MILR1: variants seen among roughly 807,000 people sequenced by gnomAD.
MILR1 encodes mast cell immunoglobulin like receptor 1.
Under a neutral mutation model 18.5 loss-of-function variants are expected in MILR1, and 31 were observed. The ratio of observed to expected loss-of-function variants is 1.68; its 90% CI spans 1.26 to 2.26. MILR1 has a LOEUF of 2.26. Ranked by LOEUF, MILR1 falls within the 30% of genes most tolerant of loss-of-function variation. MILR1 has a pLI of 0.00. For synonymous variants in MILR1, 85 were observed against 56.2 expected (o/e 1.51, Z -2.30); for missense variants, 257 against 157.4 (o/e 1.63, Z -3.38).
At chr17:64,486,562 C>A in the MILR1 span, among the ~76,000 whole-genome samples, 2 of 152,054 alleles carry the variant, frequency 1.3e-5, no homozygotes, top group African/African-American at 4.8e-5. Flanking sequence ...CGGGGTTTCA[C>A]CATGTTGGCC....
At chr17:64,455,723 G>A (rs1016040222) in intron 3 of MILR1, among the ~76,000 whole-genome samples, 1 of 149,028 alleles carries the variant, frequency 6.7e-6, no homozygotes, top group South Asian at 2.2e-4. Flanking sequence ...GCCTCCCAAA[G>A]TGCTCACTCA....
intron 4 of MILR1, among the ~76,000 whole-genome samples, chr17:64,458,035 T>C (rs1028434682): frequency 4.6e-5 from 7 of 152,136 alleles, no homozygotes; most frequent in Non-Finnish European, 8.8e-5. Context: ...GCCTTTCCAA[T>C]TTGCATCTGT....
chr17:64,472,582 A>G (rs1598111623), downstream of MILR1, among the ~76,000 whole-genome samples: 1 of 151,128 alleles, frequency 6.6e-6, no homozygotes, highest in African/African-American at 2.4e-5. Context: ...GGGTCCCAAA[A>G]AACTATAATA....
chr17:64,449,787 AAT>A (rs2037124780), intron 2 of MILR1, among the ~76,000 whole-genome samples: 1 of 152,138 alleles, frequency 6.6e-6, no homozygotes, highest in African/African-American at 2.4e-5. Context: ...AATAAAACAA[AAT>A]AAAAAAACCC....
chr17:64,450,775 CCAG>C (rs1461059969), intron 2 of MILR1, among the ~76,000 whole-genome samples: 10 of 152,196 alleles, frequency 6.6e-5, no homozygotes, highest in African/African-American at 2.4e-4. Flanking sequence ...AGCTACCACA[CCAG>C]CCTTAGCTCC....
chr17:64,458,194 T>TCCTTCCTTCCTTCCTTCTTTCC (rs2037345448), intron 4 of MILR1, among the ~76,000 whole-genome samples: 9 of 145,710 alleles, frequency 6.2e-5, no homozygotes, highest in Admixed American at 1.4e-4. Flanking sequence ...TCCTTCCTTC[T>TCCTTCCTTCCTTCCTTCTTTCC]TTCCTTCCTT....
chr17:64,494,090 C>T, the MILR1 span, among the ~76,000 whole-genome samples: 1 of 152,162 alleles, frequency 6.6e-6, no homozygotes, highest in Non-Finnish European at 1.5e-5. Flanking sequence ...TCATGTACTG[C>T]ATTCTGAGTA....
At chr17:64,481,647 C>T in the MILR1 span, among the ~76,000 whole-genome samples, 81 of 151,986 alleles carry the variant, frequency 5.3e-4, no homozygotes, top group Middle Eastern at 3.4e-3. Flanking sequence ...CCGAGGTGGG[C>T]GGATCACTTG....
chr17:64,455,547 G>A (rs1043163487), intron 3 of MILR1, among the ~76,000 whole-genome samples: 27 of 151,924 alleles, frequency 1.8e-4, no homozygotes, highest in Non-Finnish European at 3.1e-4. Context: ...TCTGCCTCCC[G>A]GGTTCACACA....
chr17:64,456,981 A>G (rs2037314068), intron 3 of MILR1, among the ~76,000 whole-genome samples: 2 of 152,316 alleles, frequency 1.3e-5, no homozygotes, highest in South Asian at 4.1e-4. Flanking sequence ...GTTCAAGACC[A>G]ACCTGGCCAA....
At chr17:64,475,857 A>C in the MILR1 span, among the ~76,000 whole-genome samples, 6 of 121,708 alleles carry the variant, frequency 4.9e-5, no homozygotes, top group Non-Finnish European at 8.0e-5. Flanking sequence ...TGTGTCACCC[A>C]GGCTGGAGTA....
the MILR1 span, chr17:64,496,311 G>T: frequency 1.3e-6 from 1 of 757,276 alleles, no homozygotes; most frequent in Non-Finnish European, 2.3e-6. Flanking sequence ...TTCCTTGCAT[G>T]GGAATACAGG....
At chr17:64,483,620 C>T in the MILR1 span, among the ~76,000 whole-genome samples, 1 of 151,996 alleles carries the variant, frequency 6.6e-6, no homozygotes, top group African/African-American at 2.4e-5. Context: ...GCCTGGGCCA[C>T]GTGGCTTACC....
chr17:64,462,325 G>A (rs955118392), intron 5 of MILR1, among the ~76,000 whole-genome samples: 4 of 152,102 alleles, frequency 2.6e-5, no homozygotes, highest in South Asian at 2.1e-4. Flanking sequence ...CCACTGTGCC[G>A]GGCCAAGAAC....
At chr17:64,455,250 GTAA>G (rs2037265037) in intron 3 of MILR1, among the ~76,000 whole-genome samples, 3 of 152,054 alleles carry the variant, frequency 2.0e-5, no homozygotes, top group African/African-American at 4.8e-5. Flanking sequence ...ACACAGTCTG[GTAA>G]TAAAACTATC....
chr17:64,495,503 C>T, the MILR1 span, among the ~76,000 whole-genome samples: 2 of 151,952 alleles, frequency 1.3e-5, no homozygotes, highest in South Asian at 2.1e-4. Context: ...CACTTGAGCC[C>T]GAGGTCGAGG....
At chr17:64,484,840 C>T in the MILR1 span, among the ~76,000 whole-genome samples, 15 of 152,174 alleles carry the variant, frequency 9.9e-5, no homozygotes, top group African/African-American at 3.6e-4. Context: ...CCTACAAACT[C>T]ATGGTTCCCA....
chr17:64,468,807 G>A (rs1046594165), downstream of MILR1, among the ~76,000 whole-genome samples: 20 of 151,898 alleles, frequency 1.3e-4, no homozygotes, highest in Non-Finnish European at 2.2e-4. Flanking sequence ...AAAGATGGCC[G>A]GGCACGGTGG....
At position 64,468,447 on chromosome 17, in the gene MILR1, C is replaced by A. The variant is rs1322875249; in HGVS notation, c.*166C>A. On this transcript the variant is annotated 3_prime_UTR_variant, in exon 10 of 10. Transcript: ENST00000619286. Reference sequence around the variant, plus strand: ...GGGATTACAGGTGCCCGCTACCACGCCCAGCTAATTTTTGTATTTTTAGTA... The same window carrying A: ...GGGATTACAGGTGCCCGCTACCACGACCAGCTAATTTTTGTATTTTTAGTA... The A allele has an allele frequency of 2.7e-6, 1 of 374,530 alleles. No individual in the cohort carries two copies. Among genetic ancestry groups the A allele is most frequent in the Non-Finnish European group, 5.1e-6 (1 of 194,696 alleles). The allele number at this position is 374,530 out of a possible 1,614,324, so 23.2% of individuals were successfully genotyped here. A position where few individuals can be genotyped will look rare whatever the true frequency, so the allele number is the denominator to read the frequency against.
Sources: allele counts gnomAD v4.1 joint callset (sites outside exome capture counted in the v4.1 genomes callset), GRCh38; gene constraint gnomAD v4.1.1; transcripts MANE v1.5; gene names NCBI Gene and HGNC (gene_info 2026-07-23, HGNC 2026-07-21).